Variants in VEGFC observed in about 807,000 individuals in gnomAD.
VEGFC encodes vascular endothelial growth factor C.
A neutral mutation model predicts 46.1 loss-of-function variants in VEGFC; 12 were observed. That is an observed-to-expected ratio of 0.26 (90% confidence interval 0.17 to 0.42). VEGFC has a LOEUF of 0.42. VEGFC is among the 10% of genes least tolerant of loss of function. The probability of loss-of-function intolerance (pLI) is 1.00; values close to 1 mark genes in which losing one functional copy is unlikely to be tolerated. For missense variants in VEGFC, 488 were observed against 529.4 expected, an observed-to-expected ratio of 0.92 and a Z score of 0.77; for synonymous variants, 232 against 195.5, an observed-to-expected ratio of 1.19 and a Z score of -1.56.
Position 176,729,678 on chromosome 4 carries a change from T to G in VEGFC, c.216A>C (p.Val72=), listed in dbSNP as rs1369928684. 6.2e-7 allele frequency: 1 copy of G among 1,613,624 alleles called. No homozygotes were observed. Among genetic ancestry groups the G allele is most frequent in the East Asian group, 2.2e-5 (1 of 44,840 alleles). ...SVSSVDELMT[V]LYPEYWKMYK... Reference sequence around the variant, plus strand: ...ACATTTTCCAATATTCTGGGTAGAGTACAGTCATGAGTTCATCTACACTGG... The same window carrying G: ...ACATTTTCCAATATTCTGGGTAGAGGACAGTCATGAGTTCATCTACACTGG... Residue 72 remains valine, a synonymous_variant, in exon 2 of 7, where the codon GTA becomes GTC. Transcript: ENST00000618562.
chr4:176,765,330 G>C (rs916641132), intron 1 of VEGFC, among the ~76,000 whole-genome samples: 2 of 151,484 alleles, frequency 1.3e-5, no homozygotes, highest in Admixed American at 1.3e-4. Context: ...TAGAGATATA[G>C]AGCAGATACT....
intron 1 of VEGFC, among the ~76,000 whole-genome samples, chr4:176,771,720 T>G (rs1735726037): frequency 6.6e-6 from 1 of 152,206 alleles, no homozygotes; most frequent in African/African-American, 2.4e-5. Flanking sequence ...ACCACTGTTT[T>G]TCCTCTGTGA....
chr4:176,764,848 A>G (rs1413132866), intron 1 of VEGFC, among the ~76,000 whole-genome samples: 1 of 152,218 alleles, frequency 6.6e-6, no homozygotes, highest in Non-Finnish European at 1.5e-5. Flanking sequence ...CATTCAATCA[A>G]AAGTTTTCAG....
chr4:176,762,105 G>A (rs533184907), intron 1 of VEGFC, among the ~76,000 whole-genome samples: 1 of 152,306 alleles, frequency 6.6e-6, no homozygotes, highest in South Asian at 2.1e-4. Flanking sequence ...GTCAGATGTA[G>A]GCTCAGAACA....
chr4:176,787,725 A>C (rs1226072624), intron 1 of VEGFC, among the ~76,000 whole-genome samples: 1 of 152,148 alleles, frequency 6.6e-6, no homozygotes, highest in Non-Finnish European at 1.5e-5. Context: ...TAATCAACCG[A>C]GGAAAGAAGC....
intron 4 of VEGFC, among the ~76,000 whole-genome samples, chr4:176,708,304 A>G (rs1347261942): frequency 2.6e-5 from 4 of 152,012 alleles, no homozygotes; most frequent in Non-Finnish European, 4.4e-5. Context: ...AAATACAATT[A>G]TAAATTTATG....
In VEGFC at chr4:176,720,420, CA is replaced by C. The variant is rs1314826314; in HGVS notation, c.552+7357del. Reference sequence around the variant, plus strand: ...ATATTCAAAATTTGACCTTTGACCCCAAATTTGTTTCTTTTTATTCAAATAT... The same window carrying C: ...ATATTCAAAATTTGACCTTTGACCCCAATTTGTTTCTTTTTATTCAAATAT... On this transcript the variant is annotated intron_variant, in intron 3 of 6. Coordinates refer to ENST00000618562, the MANE Select transcript of VEGFC (RefSeq NM_005429.5). Among the ~76,000 whole-genome samples, 6 of 152,272 alleles carry C rather than the reference CA, an allele frequency of 3.9e-5. No homozygotes were observed. The South Asian group carries it at 6.2e-4, about 16-fold the overall frequency.
At chr4:176,695,251 A>G (rs1734287714) in intron 4 of VEGFC, among the ~76,000 whole-genome samples, 1 of 150,998 alleles carries the variant, frequency 6.6e-6, no homozygotes, top group Non-Finnish European at 1.5e-5. Flanking sequence ...TAAAGAAAAA[A>G]AGAGAGAAGA....
Position 176,792,416 on chromosome 4 carries a change from G to T in VEGFC, c.-105C>A. 3.3e-6 allele frequency: 3 copies of T among 902,158 alleles called. No homozygotes were observed. Among genetic ancestry groups the T allele is most frequent in the Non-Finnish European group, 4.6e-6 (3 of 656,630 alleles). 55.9% of individuals were successfully genotyped at this position (902,158 alleles called of 1,614,324 possible). On this transcript the variant is annotated 5_prime_UTR_variant, in exon 1 of 7. Coordinates refer to ENST00000618562, the MANE Select transcript of VEGFC (RefSeq NM_005429.5). This position sits in a 1 kb window ranked among gnomAD's most constrained non-coding sequence, Gnocchi z 6.3. ...GCCCCTCCTGGTCCCTCTCCCCCGGGCTCCTCCCGGCGACCCCCCCTGGGC... is the reference window on the plus strand; with the variant it reads ...GCCCCTCCTGGTCCCTCTCCCCCGGTCTCCTCCCGGCGACCCCCCCTGGGC...
chr4:176,761,570 T>C (rs1200824339), intron 1 of VEGFC, among the ~76,000 whole-genome samples: 2 of 152,148 alleles, frequency 1.3e-5, no homozygotes, highest in East Asian at 1.9e-4. Context: ...GAAAACAATG[T>C]CGCAGTTTTA....
In VEGFC at chr4:176,767,232, T is replaced by C. The variant is rs144419520; in HGVS notation, c.147+24933A>G. ...TGGGCAACAAGCTTGTCAAAAGATGTCCAACTTCATCAGTTTCCATGAAAA... is the reference window on the plus strand; with the variant it reads ...TGGGCAACAAGCTTGTCAAAAGATGCCCAACTTCATCAGTTTCCATGAAAA... On this transcript the variant is annotated intron_variant, in intron 1 of 6. Coordinates refer to ENST00000618562, the MANE Select transcript of VEGFC (RefSeq NM_005429.5). Among the ~76,000 whole-genome samples the C allele has an allele frequency of 5.7e-4, 86 of 151,760 alleles. No homozygotes were observed. In the East Asian group the frequency reaches 0.014, roughly 24 times the overall value.
At chr4:176,721,600 T>C (rs531194059) in intron 3 of VEGFC, among the ~76,000 whole-genome samples, 6 of 152,290 alleles carry the variant, frequency 3.9e-5, no homozygotes, top group South Asian at 4.2e-4. Flanking sequence ...CTAGAGATGT[T>C]TGCAAGGTAG....
Position 176,784,155 on chromosome 4 carries a change from G to A in VEGFC, c.147+8010C>T, listed in dbSNP as rs533329518. Among the ~76,000 whole-genome samples the A allele has an allele frequency of 4.8e-5, 7 of 144,868 alleles. No homozygotes were observed. In the East Asian group the frequency reaches 6.4e-4, roughly 13 times the overall value. ...TCTCAGCTCACTCACTGCAACCTCC[G>A]CCTCCTGGGCTCAAGCCATCTTCTC... On this transcript the variant is annotated intron_variant, in intron 1 of 6. Coordinates refer to ENST00000618562, the MANE Select transcript of VEGFC (RefSeq NM_005429.5).
At chr4:176,689,609 T>A (rs997546418) in intron 4 of VEGFC, 3 of 152,254 alleles carry the variant, frequency 2.0e-5, no homozygotes, top group African/African-American at 7.2e-5. Context: ...AATGACTGAT[T>A]TGACCTTTCT....
chr4:176,690,721 C>G (rs890245722), intron 4 of VEGFC, among the ~76,000 whole-genome samples: 3 of 149,336 alleles, frequency 2.0e-5, no homozygotes, highest in African/African-American at 7.7e-5. Context: ...TGCAATTAAT[C>G]CTGGCTGCAT....
chr4:176,689,930 T>C (rs1401663281), intron 4 of VEGFC, among the ~76,000 whole-genome samples: 3 of 152,204 alleles, frequency 2.0e-5, no homozygotes, highest in Non-Finnish European at 4.4e-5. Context: ...ATCAATTATT[T>C]TGTAGGAAAT....
At chr4:176,724,424 G>A (rs1734839994) in intron 3 of VEGFC, among the ~76,000 whole-genome samples, 1 of 152,172 alleles carries the variant, frequency 6.6e-6, no homozygotes, top group African/African-American at 2.4e-5. Context: ...GTGGAGGAGG[G>A]AGACATTAAT....
At position 176,729,596 on chromosome 4, in the gene VEGFC, T is replaced by C. The variant is rs755875802; in HGVS notation, c.298A>G (p.Asn100Asp). Residue 100 changes from asparagine (N) to aspartate (D), a missense_variant, in exon 2 of 7, where the codon AAC becomes GAC. Coordinates refer to ENST00000618562, the MANE Select transcript of VEGFC (RefSeq NM_005429.5). Reference protein sequence around the residue: ...WQHNREQANLNSRTEETIKFA... With the variant: ...WQHNREQANLDSRTEETIKFA... ...TTTATAGTCTCTTCTGTCCTTGAGT[T>C]GAGGTTGGCCTGTTCTCTGTTATGT... 2 of 1,613,914 alleles carry C rather than the reference T, an allele frequency of 1.2e-6. No homozygotes were observed. Among genetic ancestry groups the C allele is most frequent in the Non-Finnish European group, 1.7e-6 (2 of 1,179,922 alleles).
Position 176,792,736 on chromosome 4 carries a change from T to TA in VEGFC, c.-426_-425insT, listed in dbSNP as rs1736126201. 6.8e-6 allele frequency: 1 copy of TA among 147,890 alleles called. No individual in the cohort carries two copies. Among genetic ancestry groups the TA allele is most frequent in the African/African-American group, 2.5e-5 (1 of 40,070 alleles). 9.2% of individuals were successfully genotyped at this position (147,890 alleles called of 1,614,324 possible). A position where few individuals can be genotyped will look rare whatever the true frequency, so the allele number is the denominator to read the frequency against. On this transcript the variant is annotated 5_prime_UTR_variant, in exon 1 of 7. An upstream open reading frame in the 5' UTR gains an earlier in-frame stop. Coordinates refer to ENST00000618562, the MANE Select transcript of VEGFC (RefSeq NM_005429.5). The surrounding 1 kb of genome is among the most constrained non-coding windows in gnomAD (Gnocchi z 6.3). ...CCCTCGTCCCCCTCCTCCCTCCCCT[T>TA]CCCCGAAGTGAGAGGAGCCGGGCCG...
Sources: gnomAD v4.1 joint callset for allele counts (sites outside exome capture counted in the v4.1 genomes callset) on GRCh38, gnomAD v4.1.1 for gene constraint, Gnocchi (gnomAD v3.1) non-coding constraint, MANE v1.5 for transcripts, NCBI Gene and HGNC (gene_info 2026-07-23, HGNC 2026-07-21) for gene names.